Variants in RGS7 observed in about 807,000 individuals in gnomAD.
The protein encoded by RGS7 is regulator of G protein signaling 7.
A neutral mutation model predicts 81.1 loss-of-function variants in RGS7; 27 were observed. The observed-to-expected ratio is 0.33, with a 90% CI of 0.25 to 0.46. The LOEUF (loss-of-function observed/expected upper bound fraction) is 0.46. Ranked by LOEUF, RGS7 falls within the 20% of genes least tolerant of loss-of-function variation. The pLI, the probability that RGS7 is intolerant of heterozygous loss-of-function variation, is 1.00. For synonymous variants in RGS7, 208 were observed against 207.7 expected (o/e 1.00, Z -0.01); for missense variants, 396 against 607.4 (o/e 0.65, Z 3.66).
At chr1:241,052,127 T>C (rs1234464996) in intron 3 of RGS7, among the ~76,000 whole-genome samples, 1 of 152,162 alleles carries the variant, frequency 6.6e-6, no homozygotes, top group African/African-American at 2.4e-5. Flanking sequence ...GAGCCTAACA[T>C]GTATTGGGTC....
chr1:241,316,498 G>C (rs1285758204), intron 2 of RGS7, among the ~76,000 whole-genome samples: 1 of 152,160 alleles, frequency 6.6e-6, no homozygotes, highest in Non-Finnish European at 1.5e-5. Context: ...TAATACTTTG[G>C]AGATTCCCGG....
chr1:240,987,897 T>C (rs1010015020), intron 3 of RGS7, among the ~76,000 whole-genome samples: 1 of 152,180 alleles, frequency 6.6e-6, no homozygotes, highest in African/African-American at 2.4e-5. Context: ...TTTCCAACAT[T>C]ATTCTTTGTT....
At chr1:240,890,522 ATAAG>A (rs199832880) in intron 6 of RGS7, among the ~76,000 whole-genome samples, 1,928 of 152,254 alleles carry the variant, frequency 0.013, 16 homozygotes, top group Non-Finnish European at 0.02. Context: ...AATAATGAAA[ATAAG>A]TATTGCTTAA....
At chr1:241,317,589 C>T (rs2148589746) in intron 2 of RGS7, among the ~76,000 whole-genome samples, 1 of 152,238 alleles carries the variant, frequency 6.6e-6, no homozygotes, top group East Asian at 1.9e-4. Context: ...TCACTGAGAA[C>T]CCATGGCAAT....
chr1:241,228,996 T>A (rs2075487385), intron 2 of RGS7, among the ~76,000 whole-genome samples: 1 of 150,480 alleles, frequency 6.6e-6, no homozygotes, highest in African/African-American at 2.4e-5. Context: ...GAGGGGTAAA[T>A]AGGAAACCTC....
At chr1:241,198,432 G>A (rs1218661358) in intron 2 of RGS7, among the ~76,000 whole-genome samples, 1 of 151,948 alleles carries the variant, frequency 6.6e-6, no homozygotes, top group Non-Finnish European at 1.5e-5. Context: ...TAATATAGTT[G>A]ATGATAACTT....
intron 2 of RGS7, among the ~76,000 whole-genome samples, chr1:241,147,590 A>G (rs2068402039): frequency 6.6e-6 from 1 of 151,776 alleles, no homozygotes; most frequent in African/African-American, 2.4e-5. Flanking sequence ...ATGGTTAGAA[A>G]ATAATAGGAA....
Position 241,227,427 on chromosome 1 carries a change from C to T in RGS7, c.78+128272G>A, listed in dbSNP as rs375553324. On this transcript the variant is annotated intron_variant, in intron 2 of 18. Coordinates refer to ENST00000440928, the MANE Select transcript of RGS7 (RefSeq NM_001364886.1). ...AGGCAATTGGTACGGAGCCTGAAAG[C>T]CCAGGACAAAGTTTTATTTGCTTTC... 2.0e-5 allele frequency among the ~76,000 whole-genome samples: 3 copies of T among 151,984 alleles called. No homozygotes were observed. In the East Asian group the frequency reaches 5.8e-4, roughly 29 times the overall value.
chr1:241,340,703 C>A (rs975979036), intron 2 of RGS7, among the ~76,000 whole-genome samples: 11 of 149,716 alleles, frequency 7.3e-5, no homozygotes, highest in Admixed American at 4.6e-4. Flanking sequence ...TAAGAATAAG[C>A]AAAAGATAAG....
chr1:241,064,770 A>G (rs2061963524), intron 3 of RGS7, among the ~76,000 whole-genome samples: 3 of 152,066 alleles, frequency 2.0e-5, no homozygotes, highest in African/African-American at 4.8e-5. Flanking sequence ...GAATCCAGGA[A>G]TCTGGATTTT....
At chr1:240,828,443 T>C (rs1472258148) in intron 9 of RGS7, among the ~76,000 whole-genome samples, 2 of 152,334 alleles carry the variant, frequency 1.3e-5, no homozygotes, top group Admixed American at 6.5e-5. Flanking sequence ...AATGGCTACA[T>C]GGACTGTGTT....
intron 9 of RGS7, among the ~76,000 whole-genome samples, chr1:240,850,013 C>A (rs1460961039): frequency 6.6e-6 from 1 of 152,184 alleles, no homozygotes; most frequent in Non-Finnish European, 1.5e-5. Flanking sequence ...GTCCTGGGAC[C>A]AGAACACCTG....
chr1:240,882,212 G>T (rs964421130), intron 6 of RGS7, among the ~76,000 whole-genome samples: 1 of 152,288 alleles, frequency 6.6e-6, no homozygotes. Context: ...ACCGTGCCCG[G>T]CCTGTGCAAA....
At chr1:241,050,891 A>C (rs2061213608) in intron 3 of RGS7, among the ~76,000 whole-genome samples, 1 of 152,192 alleles carries the variant, frequency 6.6e-6, no homozygotes, top group Admixed American at 6.5e-5. Context: ...TCAAATGTTT[A>C]TATGATTGGT....
In RGS7 at chr1:240,776,056, T is replaced by G; in HGVS notation, c.*164A>C. 1.1e-6 allele frequency: 1 copy of G among 871,496 alleles called. No homozygotes were observed. The highest frequency in any genetic ancestry group is 2.0e-6 in the Non-Finnish European group (1 of 503,760). 54.0% of individuals were successfully genotyped at this position (871,496 alleles called of 1,614,324 possible). ...CACAAAAATAACAATTTAGGTCCTT[T>G]GCTCATGCAACATCTTGTTCTAATG... On this transcript the variant is annotated 3_prime_UTR_variant, in exon 19 of 19. Transcript: ENST00000440928.
intron 2 of RGS7, among the ~76,000 whole-genome samples, chr1:241,147,780 T>TATATATATA (rs2068424502): frequency 9.0e-4 from 40 of 44,644 alleles, no homozygotes; most frequent in South Asian, 1.2e-3. Flanking sequence ...AGATTAAGTT[T>TATATATATA]TATATATATA....
intron 14 of RGS7, among the ~76,000 whole-genome samples, chr1:240,809,432 C>A (rs1689458027): frequency 6.6e-6 from 1 of 152,284 alleles, no homozygotes; most frequent in East Asian, 1.9e-4. Flanking sequence ...CTGTTGACCA[C>A]TGGACCATTT....
rs1375738907 is a variant in RGS7 at position 241,273,181 on chromosome 1, C to CG, written c.78+82517_78+82518insC. Among the ~76,000 whole-genome samples, 4 of 116,776 alleles carry CG rather than the reference C, an allele frequency of 3.4e-5. 1 individual carries two copies. The highest frequency in any genetic ancestry group is 7.9e-5 in the Non-Finnish European group (4 of 50,368). 76.6% of individuals were successfully genotyped at this position (116,776 alleles called of 152,430 possible). ...CTAAAGTAAATAATAATGAACCCCC[C>CG]CCCCCAAAGGATACACTCCTTCTTC... On this transcript the variant is annotated intron_variant, in intron 2 of 18. Transcript: ENST00000440928.
At chr1:240,848,559 C>A (rs1023033912) in intron 9 of RGS7, among the ~76,000 whole-genome samples, 6 of 151,362 alleles carry the variant, frequency 4.0e-5, no homozygotes, top group African/African-American at 1.5e-4. Context: ...AATGTAAGGT[C>A]CAGTTTCTTA....
Sources: allele counts gnomAD v4.1 joint callset (sites outside exome capture counted in the v4.1 genomes callset), GRCh38; gene constraint gnomAD v4.1.1; transcripts MANE v1.5; gene names NCBI Gene and HGNC (gene_info 2026-07-23, HGNC 2026-07-21).